Variants in CNBD1 observed in about 807,000 individuals in gnomAD.
CNBD1 encodes the protein cyclic nucleotide-binding domain-containing protein 1.
A neutral mutation model predicts 54.4 loss-of-function variants in CNBD1; 71 were observed. The ratio of observed to expected loss-of-function variants is 1.30; its 90% CI spans 1.08 to 1.59. The LOEUF (loss-of-function observed/expected upper bound fraction) is 1.59, where lower values mean the gene tolerates loss of function less well. Among genes scored for constraint, CNBD1 ranks in the 40% most tolerant of loss-of-function variants. The pLI is 0.00. For synonymous variants in CNBD1, 182 were observed against 170.7 expected, an observed-to-expected ratio of 1.07 and a Z score of -0.51; for missense variants, 659 against 518.0, an observed-to-expected ratio of 1.27 and a Z score of -2.64.
intron 1 of CNBD1, among the ~76,000 whole-genome samples, chr8:86,868,619 A>C (rs1173456008): frequency 1.3e-5 from 2 of 152,084 alleles, no homozygotes; most frequent in Admixed American, 6.6e-5. Context: ...GGCGTGAGCT[A>C]CCACGCCCCG....
At chr8:86,932,443 C>T (rs1201072143) in intron 3 of CNBD1, among the ~76,000 whole-genome samples, 1 of 152,120 alleles carries the variant, frequency 6.6e-6, no homozygotes, top group South Asian at 2.1e-4. Context: ...TTATCACTAA[C>T]AGGAAGGGGA....
intron 4 of CNBD1, among the ~76,000 whole-genome samples, chr8:86,990,702 T>C (rs1808725411): frequency 6.6e-6 from 1 of 152,138 alleles, no homozygotes. Flanking sequence ...ATAAATTTTC[T>C]GATTGCTTTT....
At chr8:87,273,557 T>G (rs956220593) in intron 6 of CNBD1, among the ~76,000 whole-genome samples, 5 of 151,994 alleles carry the variant, frequency 3.3e-5, no homozygotes, top group African/African-American at 1.2e-4. Context: ...CTTGGACTAA[T>G]AGGATGCAGC....
chr8:86,932,105 G>A (rs1029403457), intron 3 of CNBD1, among the ~76,000 whole-genome samples: 4 of 152,138 alleles, frequency 2.6e-5, no homozygotes, highest in African/African-American at 9.7e-5. Context: ...TATCTCCAAA[G>A]TCTCGGGCTG....
At chr8:87,425,519 G>T (rs1371839587) in intron 2 of CNBD1, among the ~76,000 whole-genome samples, 1 of 152,090 alleles carries the variant, frequency 6.6e-6, no homozygotes, top group Non-Finnish European at 1.5e-5. Context: ...CTTTCTGTTT[G>T]TTAGTTTTCC....
At chr8:87,130,195 A>T (rs1812090439) in intron 4 of CNBD1, among the ~76,000 whole-genome samples, 1 of 152,128 alleles carries the variant, frequency 6.6e-6, no homozygotes, top group Non-Finnish European at 1.5e-5. Flanking sequence ...AAAAATTGTT[A>T]AATATTTGAT....
chr8:87,165,553 G>A (rs1812944596), intron 4 of CNBD1, among the ~76,000 whole-genome samples: 2 of 151,910 alleles, frequency 1.3e-5, no homozygotes. Flanking sequence ...TATCTTGCTT[G>A]TTACAAGCGC....
chr8:86,879,143 T>C (rs1404684476), intron 1 of CNBD1, among the ~76,000 whole-genome samples: 3 of 152,160 alleles, frequency 2.0e-5, no homozygotes, highest in Non-Finnish European at 4.4e-5. Context: ...TTGATTTTCA[T>C]TGCATACAAC....
At chr8:87,337,178 G>A (rs1016499539) in intron 8 of CNBD1, among the ~76,000 whole-genome samples, 1 of 152,144 alleles carries the variant, frequency 6.6e-6, no homozygotes, top group Admixed American at 6.5e-5. Flanking sequence ...TACCCAGCTT[G>A]GTGGGATGGG....
chr8:87,322,500 C>T (rs1168765794), intron 8 of CNBD1, among the ~76,000 whole-genome samples: 1 of 122,088 alleles, frequency 8.2e-6, no homozygotes, highest in Non-Finnish European at 1.8e-5. Context: ...GCCATTCTAA[C>T]TGGTGTGAGA....
chr8:86,945,724 C>T (rs189850296), intron 4 of CNBD1, among the ~76,000 whole-genome samples: 2 of 152,234 alleles, frequency 1.3e-5, no homozygotes, highest in African/African-American at 4.8e-5. Context: ...ATTTATATTT[C>T]TGACACAAAT....
chr8:87,178,144 C>A (rs535234120), intron 4 of CNBD1, among the ~76,000 whole-genome samples: 1 of 152,144 alleles, frequency 6.6e-6, no homozygotes, highest in Non-Finnish European at 1.5e-5. Flanking sequence ...CTTCATAGTA[C>A]AGAACTTAAT....
intron 8 of CNBD1, among the ~76,000 whole-genome samples, chr8:87,303,651 TA>T (rs1809072693): frequency 6.7e-6 from 1 of 148,406 alleles, no homozygotes; most frequent in Admixed American, 6.7e-5. Context: ...TCTAATTAAC[TA>T]AAGAGCTTCT....
chr8:87,332,209 G>T (rs552604658), intron 8 of CNBD1, among the ~76,000 whole-genome samples: 9 of 152,234 alleles, frequency 5.9e-5, no homozygotes, highest in Middle Eastern at 3.4e-3. Context: ...TTAGCTGGGC[G>T]TGGTTGTGGG....
intron 10 of CNBD1, among the ~76,000 whole-genome samples, chr8:87,367,500 C>T (rs1412586599): frequency 6.6e-6 from 1 of 152,048 alleles, no homozygotes; most frequent in Non-Finnish European, 1.5e-5. Context: ...TTTCAGTGTG[C>T]ATGAAGGACT....
At chr8:87,320,726 A>T (rs191298370) in intron 8 of CNBD1, among the ~76,000 whole-genome samples, 1 of 152,236 alleles carries the variant, frequency 6.6e-6, no homozygotes, top group East Asian at 1.9e-4. Context: ...ACTGTGATAA[A>T]AAACATGAGA....
At chr8:87,215,227 A>G (rs1196305358) in intron 5 of CNBD1, among the ~76,000 whole-genome samples, 1 of 152,152 alleles carries the variant, frequency 6.6e-6, no homozygotes, top group Non-Finnish European at 1.5e-5. Flanking sequence ...GCCAGTCACA[A>G]AAGGCCACGT....
At chr8:87,317,237 G>A (rs1003603904) in intron 8 of CNBD1, among the ~76,000 whole-genome samples, 2 of 150,736 alleles carry the variant, frequency 1.3e-5, no homozygotes, top group East Asian at 3.9e-4. Flanking sequence ...GTTTGTTTGG[G>A]GTTTAATTCA....
chr8:87,201,236 C>A (rs1195296357), intron 4 of CNBD1, among the ~76,000 whole-genome samples: 1 of 152,178 alleles, frequency 6.6e-6, no homozygotes, highest in South Asian at 2.1e-4. Context: ...CAGAAGAGAA[C>A]TTCCTTAATC....
Sources: allele counts gnomAD v4.1 joint callset (sites outside exome capture counted in the v4.1 genomes callset), GRCh38; gene constraint gnomAD v4.1.1; transcripts MANE v1.5; gene names NCBI Gene and HGNC (gene_info 2026-07-23, HGNC 2026-07-21).